PDE4B: variants seen among roughly 807,000 people sequenced by gnomAD.
The protein encoded by PDE4B is 3',5'-cyclic-AMP phosphodiesterase 4B.
A neutral mutation model predicts 82.2 loss-of-function variants in PDE4B; 20 were observed. The ratio of observed to expected loss-of-function variants is 0.24; its 90% CI spans 0.17 to 0.35. The LOEUF (loss-of-function observed/expected upper bound fraction) is 0.35, where lower values mean the gene tolerates loss of function less well. Ranked by LOEUF, PDE4B falls within the 10% of genes least tolerant of loss-of-function variation. The pLI is 1.00. For missense variants in PDE4B, 655 were observed against 907.2 expected (o/e 0.72, Z 3.57); for synonymous variants, 320 against 318.9 (o/e 1.00, Z -0.04).
At chr1:66,332,681 A>G in intron 8 of PDE4B, 61 bp downstream of exon 8, 1 of 1,399,826 alleles carries the variant, frequency 7.1e-7, no homozygotes, top group Non-Finnish European at 1.0e-6. Context: ...AGCTCCCCTC[A>G]CCCCTGTCTG....
chr1:65,876,103 A>G (rs1646640358), intron 1 of PDE4B, among the ~76,000 whole-genome samples: 1 of 152,150 alleles, frequency 6.6e-6, no homozygotes, highest in African/African-American at 2.4e-5. Context: ...TAGAATTTAA[A>G]GAACAGTGCA....
chr1:65,974,684 G>A (rs924058908), intron 3 of PDE4B, among the ~76,000 whole-genome samples: 2 of 152,098 alleles, frequency 1.3e-5, no homozygotes, highest in Non-Finnish European at 2.9e-5. Context: ...TTGTGATAGT[G>A]GGTGAACTCT....
chr1:66,176,738 A>T (rs1646938851), intron 3 of PDE4B, among the ~76,000 whole-genome samples: 1 of 152,240 alleles, frequency 6.6e-6, no homozygotes, highest in African/African-American at 2.4e-5. Context: ...CTATTTCTTA[A>T]ATATATGAAT....
At chr1:65,826,845 G>C (rs1435192814) in intron 1 of PDE4B, among the ~76,000 whole-genome samples, 1 of 152,086 alleles carries the variant, frequency 6.6e-6, no homozygotes, top group Non-Finnish European at 1.5e-5. Flanking sequence ...GAATGAAGCT[G>C]AATCAGAATA....
intron 3 of PDE4B, among the ~76,000 whole-genome samples, chr1:66,220,417 G>A (rs1486014755): frequency 2.0e-5 from 3 of 152,132 alleles, no homozygotes; most frequent in Non-Finnish European, 4.4e-5. Context: ...CAGGAGCCTG[G>A]TACATTAGCA....
At chr1:66,069,651 C>T (rs1325126661) in intron 3 of PDE4B, among the ~76,000 whole-genome samples, 1 of 151,942 alleles carries the variant, frequency 6.6e-6, no homozygotes, top group Non-Finnish European at 1.5e-5. Flanking sequence ...CTTGCTTTCT[C>T]AGATCTCAAG....
At chr1:66,078,916 T>C (rs1656574906) in intron 3 of PDE4B, among the ~76,000 whole-genome samples, 1 of 152,000 alleles carries the variant, frequency 6.6e-6, no homozygotes, top group Non-Finnish European at 1.5e-5. Context: ...TGGATGAGCA[T>C]AAAGGAGAGA....
At chr1:66,036,786 G>A (rs1331455163) in intron 3 of PDE4B, among the ~76,000 whole-genome samples, 1 of 152,000 alleles carries the variant, frequency 6.6e-6, no homozygotes, top group Non-Finnish European at 1.5e-5. Flanking sequence ...GTCCTTTTTG[G>A]TCAACATTGC....
intron 7 of PDE4B, among the ~76,000 whole-genome samples, chr1:66,321,102 C>T (rs951315626): frequency 1.3e-5 from 2 of 152,146 alleles, no homozygotes; most frequent in Admixed American, 6.6e-5. Context: ...AATTTGGCCT[C>T]CCACATAGGG....
intron 3 of PDE4B, among the ~76,000 whole-genome samples, chr1:66,214,709 A>G (rs1650320082): frequency 6.6e-6 from 1 of 152,164 alleles, no homozygotes; most frequent in South Asian, 2.1e-4. Flanking sequence ...CACAAGTGGT[A>G]GAACCAGAAT....
chr1:66,272,835 C>A (rs1034521408), intron 7 of PDE4B, among the ~76,000 whole-genome samples: 4 of 121,156 alleles, frequency 3.3e-5, no homozygotes, highest in African/African-American at 1.3e-4. Flanking sequence ...TGTCATCAGG[C>A]TGGAGTGCAA....
At position 66,025,706 on chromosome 1, in the gene PDE4B, T is replaced by C. The variant is rs770101688; in HGVS notation, c.281+106871T>C. 7.9e-5 allele frequency among the ~76,000 whole-genome samples: 12 copies of C among 152,198 alleles called. No homozygotes were observed. The South Asian group carries it at 2.5e-3, about 32-fold the overall frequency. ...TCTGGGTGTCCCAGGCCCCCAACTT[T>C]AAACTTAACCCCTGTTCCCCATTTC... is the stretch of plus-strand genomic sequence containing the variant. On this transcript the variant is annotated intron_variant, in intron 3 of 16. Transcript: ENST00000341517.
chr1:66,368,054 G>T lies in PDE4B; in HGVS notation c.1651G>T (p.Asp551Tyr). The change falls in exon 15 of 17, where the codon GAT becomes TAT. Residue 551 changes from aspartate to tyrosine, a missense_variant. This residue lies in a region of PDE4B where 283 missense variants were observed against 516.4 expected (regional missense o/e 0.55). Transcript: ENST00000341517. ...SGVLLLDNYT[D>Y]RIQVLRNMVH... ...CGTTCTTCTCCTAGACAACTATACCGATCGCATTCAGGTATTTGAGGAAAG... is the reference window on the plus strand; with the variant it reads ...CGTTCTTCTCCTAGACAACTATACCTATCGCATTCAGGTATTTGAGGAAAG... The T allele has an allele frequency of 6.2e-7, 1 of 1,613,414 alleles. No homozygotes were observed. The highest frequency in any genetic ancestry group is 8.5e-7 in the Non-Finnish European group (1 of 1,179,688).
At chr1:66,032,291 C>G (rs1368258359) in intron 3 of PDE4B, among the ~76,000 whole-genome samples, 1 of 152,114 alleles carries the variant, frequency 6.6e-6, no homozygotes, top group Non-Finnish European at 1.5e-5. Flanking sequence ...ATGATGAAGC[C>G]ATAGAGATAA....
chr1:66,208,777 A>T (rs1649777595), intron 3 of PDE4B, among the ~76,000 whole-genome samples: 1 of 152,212 alleles, frequency 6.6e-6, no homozygotes, highest in Non-Finnish European at 1.5e-5. Flanking sequence ...ATAAATGCAA[A>T]AAATATATTG....
chr1:66,090,621 A>ATATATGTGTGTGTGTG lies in PDE4B; in HGVS notation c.282-156838_282-156837insATATGTGTGTGTGTGT. Among the ~76,000 whole-genome samples, 312 of 122,688 alleles carry ATATATGTGTGTGTGTG rather than the reference A, an allele frequency of 2.5e-3. 3 individuals are homozygous for ATATATGTGTGTGTGTG. The highest frequency in any genetic ancestry group is 5.3e-3 in the African/African-American group (130 of 24,358). 80.5% of individuals were successfully genotyped at this position (122,688 alleles called of 152,430 possible). ...TTATATATATATATGTATATAATAT[A>ATATATGTGTGTGTGTG]TGTGTGTGTGTGTGTGTGTATGTAC... On this transcript the variant is annotated intron_variant, in intron 3 of 16. Transcript: ENST00000341517.
At chr1:65,954,975 G>A (rs11809491) in intron 3 of PDE4B, among the ~76,000 whole-genome samples, 1 of 151,852 alleles carries the variant, frequency 6.6e-6, no homozygotes, top group East Asian at 1.9e-4. Context: ...ATAAACTTCT[G>A]CCATATAATA....
chr1:65,989,893 A>ATTTTT (rs10654149), intron 3 of PDE4B, among the ~76,000 whole-genome samples: 10 of 142,548 alleles, frequency 7.0e-5, no homozygotes, highest in African/African-American at 2.1e-4. Flanking sequence ...AAAGTGTCTC[A>ATTTTT]TTTTTTTTTT....
chr1:66,170,562 A>G (rs1386793902), intron 3 of PDE4B, among the ~76,000 whole-genome samples: 2 of 152,206 alleles, frequency 1.3e-5, no homozygotes, highest in Non-Finnish European at 2.9e-5. Flanking sequence ...AAAGAAATAG[A>G]AGATAATGAG....
Sources: allele counts gnomAD v4.1 joint callset (sites outside exome capture counted in the v4.1 genomes callset), GRCh38; gene constraint gnomAD v4.1.1; regional missense constraint gnomAD v4.1.1; transcripts MANE v1.5; gene names NCBI Gene and HGNC (gene_info 2026-07-23, HGNC 2026-07-21).